The following ZNF142 variants were observed in gnomAD, a reference collection of about 807,000 sequenced individuals.
The protein encoded by ZNF142 is zinc finger protein 142.
A neutral mutation model predicts 132.1 loss-of-function variants in ZNF142; 96 were observed. That is an observed-to-expected ratio of 0.73 (90% CI 0.62 to 0.86). The LOEUF (loss-of-function observed/expected upper bound fraction) is 0.86. ZNF142 is among the 40% of genes least tolerant of loss of function. ZNF142 has a pLI of 0.00. For synonymous variants in ZNF142, 842 were observed against 890.1 expected (o/e 0.95, Z 0.96); for missense variants, 2,163 against 2,336.2 (o/e 0.93, Z 1.53).
chr2:218,654,616 C>T (rs1938315273), intron 4 of ZNF142, among the ~76,000 whole-genome samples: 1 of 152,070 alleles, frequency 6.6e-6, no homozygotes, highest in Admixed American at 6.6e-5. Flanking sequence ...CTGCCTGTCT[C>T]GGCCTCCCAA....
chr2:218,644,758 G>A lies in ZNF142; in HGVS notation c.2358C>T (p.Thr786=), dbSNP rs749645671. ...ALCDYRTFSN[T]TLLFHKRKAH... The stretch of plus-strand genomic sequence containing the variant: ...CCTTGCGTTTATGGAACAAGAGTGT[G>A]GTGTTGCTGAAGGTGCGGTAGTCAC... Residue 786 remains threonine (T), a synonymous_variant, in exon 9 of 11, where the codon ACC becomes ACT. Transcript: ENST00000411696. This position sits in a 1 kb window ranked among gnomAD's most constrained non-coding sequence, Gnocchi z 4.6. 1.2e-6 allele frequency: 2 copies of A among 1,614,228 alleles called. No homozygotes were observed. The highest frequency in any genetic ancestry group is 1.7e-5 in the Admixed American group (1 of 60,034).
chr2:218,639,733 G>GAAAAAAA (rs34789965), intron 10 of ZNF142, among the ~76,000 whole-genome samples: 3 of 101,814 alleles, frequency 2.9e-5, no homozygotes, highest in Non-Finnish European at 3.8e-5. Flanking sequence ...CCCTGTCACT[G>GAAAAAAA]AAAAAAAAAA....
Position 218,659,241 on chromosome 2 carries a change from C to T in ZNF142, c.-361-111G>A, listed in dbSNP as rs569158221. 11 of 152,596 alleles carry T rather than the reference C, an allele frequency of 7.2e-5. No homozygotes were observed. The highest frequency in any genetic ancestry group is 2.6e-4 in the African/African-American group (11 of 41,584). The allele number at this position is 152,596 out of a possible 1,614,324, so 9.5% of individuals were successfully genotyped here. On this transcript the variant is annotated intron_variant, in intron 1 of 10. Transcript: ENST00000411696. This position sits in a 1 kb window ranked among gnomAD's most constrained non-coding sequence, Gnocchi z 4.4. ...GGGGCCCAGCTCGTCTGGGTGCTCC[C>T]TTCAGTACCTCCTTCCGAGAGTTCC...
chr2:218,650,589 T>C, intron 5 of ZNF142, 63 bp from the exon 6 acceptor site: 1 of 1,428,400 alleles, frequency 7.0e-7, no homozygotes, highest in Non-Finnish European at 9.3e-7. Flanking sequence ...ATGCTTATAC[T>C]TCTCTACCTA....
chr2:218,642,575 T>G lies in ZNF142; in HGVS notation c.4541A>C (p.Gln1514Pro). ...CTCTGCAGGAGAGCCAGGGGCAGGC[T>G]GTGCAGGCTCGGGGTGTCGGCGCAG... is the stretch of plus-strand genomic sequence containing the variant. ...HALRRHPEPA[Q>P]PAPGSPAETT... is the part of the protein sequence containing the mutation. The change falls in exon 9 of 11, where the codon CAG becomes CCG. Residue 1514 changes from glutamine (Q) to proline (P), a missense_variant. Around this residue, in one of 7 missense-constraint regions of ZNF142, gnomAD observed 809 missense variants for 801.7 expected, o/e 1.01. Coordinates refer to ENST00000411696, the MANE Select transcript of ZNF142 (RefSeq NM_001379659.1). This position sits in a 1 kb window ranked among gnomAD's most constrained non-coding sequence, Gnocchi z 4.6. 1 of 1,613,458 alleles carries G rather than the reference T, an allele frequency of 6.2e-7. No homozygotes were observed. The highest frequency in any genetic ancestry group is 1.1e-5 in the South Asian group (1 of 91,050).
Position 218,656,343 on chromosome 2 carries a change from C to G in ZNF142, c.87G>C (p.Pro29=). Residue 29 remains proline, a synonymous_variant, in exon 4 of 11, where the codon CCG becomes CCC. Transcript: ENST00000411696. Reference sequence around the variant, plus strand: ...CCAGGATTCCACGGTTAGAGAGAGGCGGGGGGATCAGCAATAGCTCAGGGC... The same window carrying G: ...CCAGGATTCCACGGTTAGAGAGAGGGGGGGGGATCAGCAATAGCTCAGGGC... ...GLCPELLLIP[P]PLSNRGILGP... 6.3e-7 allele frequency: 1 copy of G among 1,585,588 alleles called. No individual in the cohort carries two copies. Among genetic ancestry groups the G allele is most frequent in the Non-Finnish European group, 8.6e-7 (1 of 1,162,860 alleles).
chr2:218,652,384 G>A (rs765823010), intron 4 of ZNF142, 84 bp from the exon 5 acceptor site: 3 of 442,800 alleles, frequency 6.8e-6, no homozygotes, highest in South Asian at 1.6e-5. Flanking sequence ...GAAAATGTAG[G>A]TGAATCTTTT....
At chr2:218,639,173 G>C (rs771188098) in intron 10 of ZNF142, among the ~76,000 whole-genome samples, 3 of 152,144 alleles carry the variant, frequency 2.0e-5, no homozygotes, top group Non-Finnish European at 4.4e-5. Context: ...GTTTCACCAT[G>C]TTGGCCAGGC....
chr2:218,644,431 T>G lies in ZNF142; in HGVS notation c.2685A>C (p.Leu895=), dbSNP rs749062870. The change falls in exon 9 of 11, where the codon CTA becomes CTC. Residue 895 remains leucine, a synonymous_variant. Transcript: ENST00000411696. The surrounding 1 kb of genome is among the most constrained non-coding windows in gnomAD (Gnocchi z 4.6). ...PAEVEEGSCT[L]HLEALGVELE... is the part of the protein sequence containing the mutation. The stretch of plus-strand genomic sequence containing the variant: ...GCTCTACTCCCAGGGCCTCTAGGTG[T>G]AGTGTGCAGCTGCCCTCCTCCACCT... 6.2e-7 allele frequency: 1 copy of G among 1,614,020 alleles called. No individual in the cohort carries two copies. Among genetic ancestry groups the G allele is most frequent in the Non-Finnish European group, 8.5e-7 (1 of 1,179,982 alleles).
Position 218,633,873 on chromosome 2 carries a change from GGAGTT to G in ZNF142, c.*4461_*4465del. The stretch of plus-strand genomic sequence containing the variant: ...GACAAGGTAGCTAAGGAGAGATGAA[GGAGTT>G]CAGAAACTCCTTAGAGCAGACAAGG... On this transcript the variant is annotated 3_prime_UTR_variant, in exon 11 of 11. Coordinates refer to ENST00000411696, the MANE Select transcript of ZNF142 (RefSeq NM_001379659.1). 6 of 1,158,454 alleles carry G rather than the reference GGAGTT, an allele frequency of 5.2e-6. No individual in the cohort carries two copies. The highest frequency in any genetic ancestry group is 2.0e-5 in the Admixed American group (1 of 49,532). The allele number at this position is 1,158,454 out of a possible 1,614,324, so 71.8% of individuals were successfully genotyped here.
In ZNF142 at chr2:218,633,942, C is replaced by A; in HGVS notation, c.*4397G>T. ...GAATAGTGGCTCAAGGGTCTAGGGG[C>A]AGGAAAGCTGGTCTGGATGGACAGA... On this transcript the variant is annotated 3_prime_UTR_variant, in exon 11 of 11. Transcript: ENST00000411696. 2 of 1,206,694 alleles carry A rather than the reference C, an allele frequency of 1.7e-6. No individual in the cohort carries two copies. Among genetic ancestry groups the A allele is most frequent in the Non-Finnish European group, 1.2e-6 (1 of 862,236 alleles). The allele number at this position is 1,206,694 out of a possible 1,614,324, so 74.7% of individuals were successfully genotyped here.
In ZNF142 at chr2:218,656,131, C is replaced by CT. The variant is rs775335630; in HGVS notation, c.280+18dup. On this transcript the variant is annotated intron_variant, in intron 4 of 10. Coordinates refer to ENST00000411696, the MANE Select transcript of ZNF142 (RefSeq NM_001379659.1). ...CAGAGCTGCTTGTCCCACTGGCCTG[C>CT]TTGCAACTGTGTTTGTACCTGGGGT... 6.6e-7 allele frequency: 1 copy of CT among 1,510,282 alleles called. No homozygotes were observed. Among genetic ancestry groups the CT allele is most frequent in the Admixed American group, 2.0e-5 (1 of 49,236 alleles). 93.6% of individuals were successfully genotyped at this position (1,510,282 alleles called of 1,614,324 possible). A position where few individuals can be genotyped will look rare whatever the true frequency, so the allele number is the denominator to read the frequency against.
Position 218,636,175 on chromosome 2 carries a change from C to T in ZNF142, c.*2164G>A. 6.5e-7 allele frequency: 1 copy of T among 1,539,344 alleles called. No homozygotes were observed. Among genetic ancestry groups the T allele is most frequent in the Admixed American group, 1.7e-5 (1 of 58,958 alleles). On this transcript the variant is annotated 3_prime_UTR_variant, in exon 11 of 11. Transcript: ENST00000411696. ...TTGCCATCTAGATTAAATGAGAACA[C>T]AAGAAAAGCAACCCAGTCAAGAAAA...
In ZNF142 at chr2:218,646,623, G is replaced by C. The variant is rs149301129; in HGVS notation, c.1874-275C>G. Among the ~76,000 whole-genome samples, 53 of 151,534 alleles carry C rather than the reference G, an allele frequency of 3.5e-4. No individual in the cohort carries two copies. The East Asian group carries it at 9.3e-3, about 27-fold the overall frequency. On this transcript the variant is annotated intron_variant, in intron 7 of 10. Transcript: ENST00000411696. ...AATTGAGACAGAGTCTCAATCTGTC[G>C]CCCAGGCTGGAGTGCAGTGACGCTA...
rs766880966 is a variant in ZNF142 at position 218,649,137 on chromosome 2, G to C, written c.1371C>G (p.Val457=). 5 of 1,614,176 alleles carry C rather than the reference G, an allele frequency of 3.1e-6. No homozygotes were observed. In the South Asian group the frequency reaches 5.5e-5, roughly 18 times the overall value. ...NFYSDTYACP[V]CREEFRLSQA... is the part of the protein sequence containing the mutation. ...GGCTGAGGCGGAATTCCTCACGGCA[G>C]ACAGGACAGGCATAGGTGTCTGAGT... The change falls in exon 7 of 11, where the codon GTC becomes GTG. Residue 457 remains valine (V), a synonymous_variant. Transcript: ENST00000411696.
intron 6 of ZNF142, 32 bp from the exon 7 acceptor site, chr2:218,649,491 T>A (rs751738389): frequency 3.9e-5 from 58 of 1,502,870 alleles, no homozygotes; most frequent in African/African-American, 5.6e-5. Flanking sequence ...GTTGAGAGAG[T>A]GAGATTTTTC....
chr2:218,646,128 A>G (rs1359744905), intron 8 of ZNF142, 43 bp downstream of exon 8: 1 of 1,591,252 alleles, frequency 6.3e-7, no homozygotes, highest in Admixed American at 1.7e-5. Context: ...TAGCTTGGCT[A>G]AGATTCTTGG....
In ZNF142 at chr2:218,643,058, T is replaced by TG; in HGVS notation, c.4057dup (p.His1353ProfsTer29). The TG allele has an allele frequency of 6.2e-7, 1 of 1,600,536 alleles. No homozygotes were observed. Among genetic ancestry groups the TG allele is most frequent in the Non-Finnish European group, 8.5e-7 (1 of 1,172,904 alleles). ...TGCAGTGGGGTGCCTCCGCTTCTGG[T>TG]GGAGCCTTAAGGCAGTGGCAGCAGG... On this transcript the variant is annotated frameshift_variant, in exon 9 of 11. Coordinates refer to ENST00000411696, the MANE Select transcript of ZNF142 (RefSeq NM_001379659.1). LOFTEE classifies it high-confidence loss of function.
rs1938970742 is a variant in ZNF142 at position 218,659,044 on chromosome 2, T to C, written c.-275A>G. 1.3e-5 allele frequency: 2 copies of C among 152,090 alleles called. No homozygotes were observed. The highest frequency in any genetic ancestry group is 2.9e-5 in the Non-Finnish European group (2 of 68,074). 9.4% of individuals were successfully genotyped at this position (152,090 alleles called of 1,614,324 possible). Reference sequence around the variant, plus strand: ...GGCCTCAGCTTTCCTATCTGTAAAATGGAGGTGATGACAGTGTCCACATCG... The same window carrying C: ...GGCCTCAGCTTTCCTATCTGTAAAACGGAGGTGATGACAGTGTCCACATCG... On this transcript the variant is annotated 5_prime_UTR_variant, in exon 2 of 11. Coordinates refer to ENST00000411696, the MANE Select transcript of ZNF142 (RefSeq NM_001379659.1). This position sits in a 1 kb window ranked among gnomAD's most constrained non-coding sequence, Gnocchi z 4.4.
Sources: gnomAD v4.1 joint callset for allele counts (sites outside exome capture counted in the v4.1 genomes callset) on GRCh38, gnomAD v4.1.1 for gene constraint, gnomAD v4.1.1 regional missense constraint, Gnocchi (gnomAD v3.1) non-coding constraint, MANE v1.5 for transcripts, NCBI Gene and HGNC (gene_info 2026-07-23, HGNC 2026-07-21) for gene names.